CNTN5: variants seen among roughly 807,000 people sequenced by gnomAD.
The protein encoded by CNTN5 is contactin 5, also known as contactin-5.
In CNTN5, 77 loss-of-function variants were observed where a neutral mutation model predicts 129.1. That is an observed-to-expected ratio of 0.60 (90% CI 0.50 to 0.72). The LOEUF (loss-of-function observed/expected upper bound fraction) is 0.72. Among genes scored for constraint, CNTN5 ranks in the 30% least tolerant of loss-of-function variants. CNTN5 has a pLI of 0.00. For synonymous variants in CNTN5, 509 were observed against 465.6 expected (o/e 1.09, Z -1.20); for missense variants, 1,478 against 1,328.8 (o/e 1.11, Z -1.75).
chr11:100,183,009 CAT>C (rs1948185022), intron 13 of CNTN5, among the ~76,000 whole-genome samples: 1 of 151,842 alleles, frequency 6.6e-6, no homozygotes, highest in African/African-American at 2.4e-5. Context: ...GGAAAATGAA[CAT>C]ATGAAAAATT....
chr11:99,146,462 A>G (rs112893541), intron 1 of CNTN5, among the ~76,000 whole-genome samples: 5,804 of 152,236 alleles, frequency 0.038, 169 homozygotes, highest in Middle Eastern at 0.082. Context: ...GCAATAAACA[A>G]AATACCATAT....
At chr11:99,382,845 CT>C (rs1163660333) in intron 2 of CNTN5, among the ~76,000 whole-genome samples, 7 of 77,046 alleles carry the variant, frequency 9.1e-5, no homozygotes, top group African/African-American at 2.5e-4. Flanking sequence ...CTCTAAATAA[CT>C]TTTTTTTTTT....
intron 13 of CNTN5, among the ~76,000 whole-genome samples, chr11:100,111,019 G>T (rs1374282125): frequency 1.4e-5 from 2 of 138,474 alleles, no homozygotes; most frequent in Non-Finnish European, 3.2e-5. Flanking sequence ...AAAAAAAAAT[G>T]TAAAGACAAA....
At chr11:100,222,126 G>A (rs895086194) in intron 15 of CNTN5, among the ~76,000 whole-genome samples, 3 of 152,084 alleles carry the variant, frequency 2.0e-5, no homozygotes, top group Non-Finnish European at 4.4e-5. Context: ...TCCTGTTTAG[G>A]ATGTTAAAAA....
At position 100,309,751 on chromosome 11, in the gene CNTN5, T is replaced by C. The variant is rs950321510; in HGVS notation, c.2730+1283T>C. ...CTTTCTATCCAACCGTAGAAGACAC[T>C]GTGGTGGTTTGTCCAGTTTCCCTTC... On this transcript the variant is annotated intron_variant, in intron 21 of 24. Transcript: ENST00000524871. 2.5e-5 allele frequency: 24 copies of C among 971,662 alleles called. No homozygotes were observed. The African/African-American group carries it at 4.0e-4, about 16-fold the overall frequency. 60.2% of individuals were successfully genotyped at this position (971,662 alleles called of 1,614,324 possible). A position where few individuals can be genotyped will look rare whatever the true frequency, so the allele number is the denominator to read the frequency against.
intron 3 of CNTN5, among the ~76,000 whole-genome samples, chr11:99,556,592 T>TATATATATATA (rs1179424515): frequency 2.2e-5 from 3 of 138,676 alleles, no homozygotes; most frequent in Non-Finnish European, 4.6e-5. Context: ...TATATATATA[T>TATATATATATA]ATCTCCCACA....
At chr11:99,475,502 T>C (rs1945336558) in intron 2 of CNTN5, among the ~76,000 whole-genome samples, 1 of 152,194 alleles carries the variant, frequency 6.6e-6, no homozygotes. Flanking sequence ...TGCAGAGTAC[T>C]TGTTATCTCT....
intron 1 of CNTN5, among the ~76,000 whole-genome samples, chr11:99,106,789 G>A (rs1867017987): frequency 6.6e-6 from 1 of 151,952 alleles, no homozygotes; most frequent in Admixed American, 6.6e-5. Flanking sequence ...ATAACTTAAA[G>A]AACACAGTAG....
At chr11:99,519,228 C>T (rs1338325451) in intron 2 of CNTN5, among the ~76,000 whole-genome samples, 1 of 152,036 alleles carries the variant, frequency 6.6e-6, no homozygotes, top group Non-Finnish European at 1.5e-5. Context: ...AATTTCTACT[C>T]ACCCTTACGT....
At chr11:99,121,762 G>A (rs1858344448) in intron 1 of CNTN5, among the ~76,000 whole-genome samples, 1 of 152,038 alleles carries the variant, frequency 6.6e-6, no homozygotes, top group Non-Finnish European at 1.5e-5. Flanking sequence ...ATATCTAATG[G>A]TGGGTATCTT....
intron 13 of CNTN5, among the ~76,000 whole-genome samples, chr11:100,085,707 A>G (rs1421560): frequency 0.23 from 34,234 of 151,984 alleles, 4,810 homozygotes; most frequent in African/African-American, 0.4. Flanking sequence ...TATAATCCTG[A>G]TTATAAATAA....
chr11:99,379,644 T>C (rs1459663690), intron 2 of CNTN5, among the ~76,000 whole-genome samples: 1 of 152,106 alleles, frequency 6.6e-6, no homozygotes, highest in African/African-American at 2.4e-5. Context: ...CTCAAAAACA[T>C]GTGGAAAGGT....
At chr11:99,766,842 T>TG (rs1944772956) in intron 3 of CNTN5, among the ~76,000 whole-genome samples, 2 of 152,020 alleles carry the variant, frequency 1.3e-5, no homozygotes, top group Non-Finnish European at 2.9e-5. Flanking sequence ...TTCACTTGAC[T>TG]GGGAAAAAAA....
intron 3 of CNTN5, among the ~76,000 whole-genome samples, chr11:99,640,207 T>C (rs1013932177): frequency 2.0e-5 from 3 of 152,236 alleles, no homozygotes; most frequent in Admixed American, 1.3e-4. Flanking sequence ...TTTCCAAAAT[T>C]GCTTCCATGT....
At chr11:100,193,764 AC>A in intron 15 of CNTN5, 101 bp downstream of exon 15, 4 of 901,196 alleles carry the variant, frequency 4.4e-6, no homozygotes, top group Non-Finnish European at 6.7e-6. Flanking sequence ...AAAAAAAAAA[AC>A]AGAACATCGA....
chr11:99,084,933 T>G (rs4475886), intron 1 of CNTN5, among the ~76,000 whole-genome samples: 30,020 of 152,076 alleles, frequency 0.2, 3,342 homozygotes, highest in South Asian at 0.28. Flanking sequence ...ATTAATATAT[T>G]TTTCAGTAAT....
chr11:99,152,928 TTGGTTG>T (rs760801331), intron 1 of CNTN5, among the ~76,000 whole-genome samples: 18,721 of 152,244 alleles, frequency 0.12, 1,298 homozygotes, highest in East Asian at 0.34. Flanking sequence ...TATGAAATTA[TTGGTTG>T]AAATCTCTTT....
At chr11:100,187,410 G>A (rs977923082) in intron 13 of CNTN5, among the ~76,000 whole-genome samples, 5 of 93,080 alleles carry the variant, frequency 5.4e-5, no homozygotes, top group Admixed American at 3.6e-4. Context: ...AGCTGCCAAC[G>A]GTTTTTTTTT....
intron 3 of CNTN5, among the ~76,000 whole-genome samples, chr11:99,673,466 T>C (rs671478): frequency 0.93 from 140,819 of 152,180 alleles, 66,102 homozygotes; most frequent in East Asian, 1. Flanking sequence ...TTCAGGGATA[T>C]GTGTGCAGGA....
Sources: allele counts gnomAD v4.1 joint callset (sites outside exome capture counted in the v4.1 genomes callset), GRCh38; gene constraint gnomAD v4.1.1; transcripts MANE v1.5; gene names NCBI Gene and HGNC (gene_info 2026-07-23, HGNC 2026-07-21).